Variants in KCTD8 observed in about 807,000 individuals in gnomAD.
KCTD8 encodes BTB/POZ domain-containing protein KCTD8.
Under a neutral mutation model 31.5 loss-of-function variants are expected in KCTD8, and 27 were observed. The ratio of observed to expected loss-of-function variants is 0.86; its 90% CI spans 0.63 to 1.18. KCTD8 has a LOEUF of 1.18. KCTD8 is among the 50% of genes most tolerant of loss of function. KCTD8 has a pLI of 0.00. For missense variants in KCTD8, 658 were observed against 647.7 expected (o/e 1.02, Z -0.17); for synonymous variants, 290 against 280.0 (o/e 1.04, Z -0.36).
At chr4:44,177,997 T>A (rs1713267231) in intron 1 of KCTD8, among the ~76,000 whole-genome samples, 1 of 152,048 alleles carries the variant, frequency 6.6e-6, no homozygotes, top group Non-Finnish European at 1.5e-5. Flanking sequence ...ACTTGAAGGA[T>A]CAGTTTTTAG....
intron 1 of KCTD8, among the ~76,000 whole-genome samples, chr4:44,203,599 A>G (rs1308664021): frequency 1.3e-5 from 2 of 151,708 alleles, no homozygotes; most frequent in African/African-American, 4.8e-5. Flanking sequence ...ACAAAAATAC[A>G]TAGGAGCTTA....
At chr4:44,282,545 G>A (rs1484979937) in intron 1 of KCTD8, among the ~76,000 whole-genome samples, 1 of 152,040 alleles carries the variant, frequency 6.6e-6, no homozygotes, top group Non-Finnish European at 1.5e-5. Flanking sequence ...TCAAAAGCTA[G>A]AAATGATTAA....
chr4:44,219,856 A>G (rs765076286), intron 1 of KCTD8, among the ~76,000 whole-genome samples: 1 of 152,236 alleles, frequency 6.6e-6, no homozygotes, highest in African/African-American at 2.4e-5. Flanking sequence ...ACTGACCTGT[A>G]TCAGCGAGAA....
At chr4:44,234,448 G>C (rs1225880779) in intron 1 of KCTD8, among the ~76,000 whole-genome samples, 1 of 152,186 alleles carries the variant, frequency 6.6e-6, no homozygotes, top group South Asian at 2.1e-4. Context: ...TGACAGATAA[G>C]TATCAAAAGA....
intron 1 of KCTD8, among the ~76,000 whole-genome samples, chr4:44,315,861 T>C (rs1673865842): frequency 6.6e-6 from 1 of 152,164 alleles, no homozygotes; most frequent in Non-Finnish European, 1.5e-5. Context: ...TAATGCAATA[T>C]ACTTTGTTTT....
intron 1 of KCTD8, among the ~76,000 whole-genome samples, chr4:44,180,585 A>T (rs575406594): frequency 1.5e-5 from 2 of 134,496 alleles, no homozygotes; most frequent in Non-Finnish European, 3.0e-5. Flanking sequence ...GTATACATAC[A>T]TGCACACACA....
chr4:44,399,125 G>A (rs2109455165), intron 1 of KCTD8, among the ~76,000 whole-genome samples: 1 of 152,270 alleles, frequency 6.6e-6, no homozygotes, highest in Middle Eastern at 3.4e-3. Context: ...GCCAGGATAG[G>A]AGAGTTTCAG....
intron 1 of KCTD8, among the ~76,000 whole-genome samples, chr4:44,225,079 C>T (rs1254258157): frequency 1.3e-5 from 2 of 152,216 alleles, no homozygotes; most frequent in Non-Finnish European, 2.9e-5. Flanking sequence ...GGGAGCATGA[C>T]TCTTTGACGG....
At chr4:44,362,213 T>C (rs1719515961) in intron 1 of KCTD8, among the ~76,000 whole-genome samples, 3 of 152,158 alleles carry the variant, frequency 2.0e-5, no homozygotes, top group Admixed American at 6.6e-5. Flanking sequence ...AATGCAAGTG[T>C]AGGCAGGTTG....
intron 1 of KCTD8, among the ~76,000 whole-genome samples, chr4:44,223,247 G>A (rs1446379820): frequency 6.6e-6 from 1 of 152,152 alleles, no homozygotes; most frequent in African/African-American, 2.4e-5. Context: ...TCTGTTTCTA[G>A]TGACTGGATA....
intron 1 of KCTD8, among the ~76,000 whole-genome samples, chr4:44,250,421 T>C (rs796955217): frequency 1.3e-4 from 19 of 151,900 alleles, no homozygotes; most frequent in African/African-American, 9.6e-5. Flanking sequence ...ACAGCTAATA[T>C]ATTCTAAAGC....
intron 1 of KCTD8, among the ~76,000 whole-genome samples, chr4:44,363,086 T>G (rs965978323): frequency 3.3e-5 from 5 of 152,170 alleles, no homozygotes; most frequent in African/African-American, 1.2e-4. Flanking sequence ...AGATGGTAAT[T>G]TAACCAAGGA....
rs529891806 is a variant in KCTD8 at position 44,215,914 on chromosome 4, C to G, written c.962-40664G>C. Among the ~76,000 whole-genome samples the G allele has an allele frequency of 5.3e-5, 8 of 152,202 alleles. No individual in the cohort carries two copies. In the South Asian group the frequency reaches 1.7e-3, roughly 32 times the overall value. ...GTGTGATGTCACATGTAATAAGAAG[C>G]TTTAAAAAGTACCTAAAGGCTAAAA... On this transcript the variant is annotated intron_variant, in intron 1 of 1. Coordinates refer to ENST00000360029, the MANE Select transcript of KCTD8 (RefSeq NM_198353.3).
intron 1 of KCTD8, among the ~76,000 whole-genome samples, chr4:44,256,711 T>C (rs1056170067): frequency 2.0e-5 from 3 of 151,844 alleles, no homozygotes; most frequent in African/African-American, 7.3e-5. Flanking sequence ...AGTGAGGAGA[T>C]GAGCAGTTGA....
chr4:44,364,310 G>C (rs1347453017), intron 1 of KCTD8, among the ~76,000 whole-genome samples: 1 of 152,078 alleles, frequency 6.6e-6, no homozygotes, highest in Non-Finnish European at 1.5e-5. Flanking sequence ...AAATATTACA[G>C]ATGGCAAATA....
intron 1 of KCTD8, among the ~76,000 whole-genome samples, chr4:44,181,737 C>T (rs1352418833): frequency 6.6e-6 from 1 of 152,092 alleles, no homozygotes; most frequent in African/African-American, 2.4e-5. Flanking sequence ...GCCCCTCTGC[C>T]CGGCTGCCCA....
At chr4:44,315,863 CTTTG>C (rs1718093858) in intron 1 of KCTD8, among the ~76,000 whole-genome samples, 1 of 152,040 alleles carries the variant, frequency 6.6e-6, no homozygotes, top group Non-Finnish European at 1.5e-5. Context: ...ATGCAATATA[CTTTG>C]TTTTATTTCT....
At chr4:44,348,197 T>A (rs943352548) in intron 1 of KCTD8, among the ~76,000 whole-genome samples, 1 of 152,082 alleles carries the variant, frequency 6.6e-6, no homozygotes, top group Non-Finnish European at 1.5e-5. Context: ...GCTATGAAAA[T>A]CACTAAATAA....
chr4:44,441,279 G>C (rs1003822973), intron 1 of KCTD8, among the ~76,000 whole-genome samples: 2 of 151,426 alleles, frequency 1.3e-5, no homozygotes, highest in African/African-American at 2.4e-5. Flanking sequence ...CGAGCCTACA[G>C]GTATTACTGT....
Sources: allele counts gnomAD v4.1 joint callset (sites outside exome capture counted in the v4.1 genomes callset), GRCh38; gene constraint gnomAD v4.1.1; transcripts MANE v1.5; gene names NCBI Gene and HGNC (gene_info 2026-07-23, HGNC 2026-07-21).